Variants in CCDC88C observed in about 807,000 individuals in gnomAD.
CCDC88C encodes the protein protein Daple.
In CCDC88C, 131 loss-of-function variants were observed where a neutral mutation model predicts 198.8. The ratio of observed to expected loss-of-function variants is 0.66; its 90% CI spans 0.57 to 0.76. The LOEUF is 0.76. Among genes scored for constraint, CCDC88C ranks in the 30% least tolerant of loss-of-function variants. CCDC88C has a pLI of 0.00. For missense variants in CCDC88C, 2,553 were observed against 2,631.6 expected (o/e 0.97, Z 0.65); for synonymous variants, 1,166 against 1,114.7 (o/e 1.05, Z -0.92).
chr14:91,309,767 T>C (rs1472875081), intron 16 of CCDC88C, 92 bp downstream of exon 16: 1 of 1,387,200 alleles, frequency 7.2e-7, no homozygotes, highest in African/African-American at 1.4e-5. Flanking sequence ...CAGTAGAGAG[T>C]TCATGGAGGT....
At chr14:91,328,098 C>G (rs1239838680) in intron 10 of CCDC88C, among the ~76,000 whole-genome samples, 1 of 152,148 alleles carries the variant, frequency 6.6e-6, no homozygotes, top group Non-Finnish European at 1.5e-5. Flanking sequence ...ACTACTTGGC[C>G]AAATCATGCC....
chr14:91,398,708 G>T (rs531870659), intron 3 of CCDC88C, among the ~76,000 whole-genome samples: 21 of 152,254 alleles, frequency 1.4e-4, no homozygotes, highest in Non-Finnish European at 2.9e-4. Flanking sequence ...AATACAAGCA[G>T]CAGGAGCCAG....
rs565624495 is a variant in CCDC88C at position 91,286,083 on chromosome 14, C to T, written c.4442-2566G>A. Among the ~76,000 whole-genome samples, 9 of 152,186 alleles carry T rather than the reference C, an allele frequency of 5.9e-5. No individual in the cohort carries two copies. The South Asian group carries it at 8.3e-4, about 14-fold the overall frequency. On this transcript the variant is annotated intron_variant, in intron 25 of 29. Transcript: ENST00000389857. ...GAACGCCAACAATTTATTTCCTCAG[C>T]GTGTGAGGAGAATTACATACTGCCC...
chr14:91,354,212 T>C (rs1203128704), intron 4 of CCDC88C, among the ~76,000 whole-genome samples: 1 of 152,196 alleles, frequency 6.6e-6, no homozygotes, highest in Non-Finnish European at 1.5e-5. Flanking sequence ...GAAAAAACAA[T>C]GCTTTCTTCC....
Position 91,294,248 on chromosome 14 carries a change from C to T in CCDC88C, c.4037G>A (p.Ser1346Asn), listed in dbSNP as rs746596853. ...CTCCAGAAGCATCTGGTTCTGCTGG[C>T]TCAACAGCTGGATCTGGCTCAGGAG... Reference protein sequence around the residue: ...HHLLSQIQLLSQQNQMLLEQN... With the variant: ...HHLLSQIQLLNQQNQMLLEQN... Residue 1346 changes from serine to asparagine, a missense_variant, in exon 23 of 30, where the codon AGC becomes AAC. By Grantham distance (46) the Ser-to-Asn change is conservative (BLOSUM62 1). This residue lies in a region of CCDC88C where 1,293 missense variants were observed against 1,219.6 expected (regional missense o/e 1.06). Coordinates refer to ENST00000389857, the MANE Select transcript of CCDC88C (RefSeq NM_001080414.4). The T allele has an allele frequency of 7.4e-6, 12 of 1,614,036 alleles. No individual in the cohort carries two copies. Among genetic ancestry groups the T allele is most frequent in the Middle Eastern group, 1.6e-4 (1 of 6,062 alleles).
At chr14:91,376,885 G>A (rs774832938) in intron 3 of CCDC88C, among the ~76,000 whole-genome samples, 5 of 152,196 alleles carry the variant, frequency 3.3e-5, no homozygotes, top group South Asian at 2.1e-4. Flanking sequence ...CCACAGCCCC[G>A]GCCACCCAGA....
chr14:91,363,587 T>TA (rs1290944676), intron 3 of CCDC88C, among the ~76,000 whole-genome samples: 2 of 151,920 alleles, frequency 1.3e-5, no homozygotes, highest in East Asian at 3.8e-4. Context: ...GAAAAAATAA[T>TA]AAAAAAAAAT....
chr14:91,321,061 G>C (rs1233345302), intron 13 of CCDC88C, 59 bp downstream of exon 13: 1 of 1,474,256 alleles, frequency 6.8e-7, no homozygotes, highest in African/African-American at 1.4e-5. Context: ...TCACTGGGGA[G>C]GATGGGAGGG....
rs1890530886 is a variant in CCDC88C at position 91,288,803 on chromosome 14, C to T, written c.4441+302G>A. On this transcript the variant is annotated intron_variant, in intron 25 of 29. Transcript: ENST00000389857. The surrounding 1 kb of genome is among the most constrained non-coding windows in gnomAD (Gnocchi z 4.2). The stretch of plus-strand genomic sequence containing the variant: ...CCTATAATCCCAGCTACGTAGGAGG[C>T]TGAGGCAGGAGAATCACTTGAACCT... The T allele has an allele frequency of 1.5e-5, 4 of 261,538 alleles. No individual in the cohort carries two copies. The highest frequency in any genetic ancestry group is 2.9e-5 in the Non-Finnish European group (4 of 137,168). The allele number at this position is 261,538 out of a possible 1,614,324, so 16.2% of individuals were successfully genotyped here. A position where few individuals can be genotyped will look rare whatever the true frequency, so the allele number is the denominator to read the frequency against.
At chr14:91,390,329 G>A (rs959098754) in intron 3 of CCDC88C, among the ~76,000 whole-genome samples, 3 of 152,160 alleles carry the variant, frequency 2.0e-5, no homozygotes, top group Non-Finnish European at 4.4e-5. Context: ...CCCTCCATCC[G>A]CTTAATTTAT....
At chr14:91,351,546 A>G (rs1893796682) in intron 4 of CCDC88C, among the ~76,000 whole-genome samples, 1 of 152,178 alleles carries the variant, frequency 6.6e-6, no homozygotes, top group Non-Finnish European at 1.5e-5. Context: ...GTCCCCACCC[A>G]TGGGGAAGGA....
At chr14:91,356,477 T>C (rs549176583) in intron 4 of CCDC88C, among the ~76,000 whole-genome samples, 1 of 152,320 alleles carries the variant, frequency 6.6e-6, no homozygotes, top group Non-Finnish European at 1.5e-5. Context: ...CCTTCAGAGC[T>C]GGGACCAGCT....
chr14:91,411,588 C>T (rs572255786), intron 2 of CCDC88C, among the ~76,000 whole-genome samples: 1 of 152,096 alleles, frequency 6.6e-6, no homozygotes, highest in East Asian at 1.9e-4. Flanking sequence ...GGTAGCTGGT[C>T]GGAACTTGGA....
intron 2 of CCDC88C, among the ~76,000 whole-genome samples, chr14:91,413,572 G>A (rs1035699350): frequency 3.3e-5 from 5 of 152,194 alleles, no homozygotes; most frequent in Non-Finnish European, 7.4e-5. Context: ...AGGGGCTATT[G>A]AGCAGGCATT....
chr14:91,411,962 C>G (rs556325521), intron 2 of CCDC88C, among the ~76,000 whole-genome samples: 1 of 97,850 alleles, frequency 1.0e-5, no homozygotes, highest in Non-Finnish European at 2.3e-5. Context: ...GACTCCATCT[C>G]AAAAAAAAAA....
At chr14:91,343,527 G>C (rs990311642) in intron 5 of CCDC88C, 72 bp downstream of exon 5, 1 of 1,594,378 alleles carries the variant, frequency 6.3e-7, no homozygotes, top group Non-Finnish European at 8.5e-7. Flanking sequence ...CTAAGGGCTC[G>C]GTCAAGTCCC....
At position 91,402,249 on chromosome 14, in the gene CCDC88C, C is replaced by A. The variant is rs561705658; in HGVS notation, c.270+6410G>T. 5.8e-4 allele frequency among the ~76,000 whole-genome samples: 89 copies of A among 152,206 alleles called. 1 individual carries two copies. The highest frequency in any genetic ancestry group is 2.0e-3 in the African/African-American group (81 of 41,536). ...TATGATCATACCACTGCACTTTGGC[C>A]TGGGAAACCGAGCAAGACTGTCTCA... On this transcript the variant is annotated intron_variant, in intron 3 of 29. Coordinates refer to ENST00000389857, the MANE Select transcript of CCDC88C (RefSeq NM_001080414.4).
At position 91,394,698 on chromosome 14, in the gene CCDC88C, G is replaced by A. The variant is rs908899519; in HGVS notation, c.270+13961C>T. Among the ~76,000 whole-genome samples, 7 of 152,346 alleles carry A rather than the reference G, an allele frequency of 4.6e-5. No individual in the cohort carries two copies. In the East Asian group the frequency reaches 1.3e-3, roughly 29 times the overall value. On this transcript the variant is annotated intron_variant, in intron 3 of 29. Coordinates refer to ENST00000389857, the MANE Select transcript of CCDC88C (RefSeq NM_001080414.4). ...CTGCTTTTAAGGAATTCTATTGCTG[G>A]TGAGGGATAAAATCATGAGGCTTCC... is the stretch of plus-strand genomic sequence containing the variant.
At chr14:91,408,618 T>C (rs1249913230) in intron 3 of CCDC88C, 41 bp downstream of exon 3, 6 of 1,257,826 alleles carry the variant, frequency 4.8e-6, no homozygotes, top group Non-Finnish European at 7.0e-6. Context: ...ACGATACTGA[T>C]GGACACACAT....
Sources: gnomAD v4.1 joint callset for allele counts (sites outside exome capture counted in the v4.1 genomes callset) on GRCh38, gnomAD v4.1.1 for gene constraint, gnomAD v4.1.1 regional missense constraint, Gnocchi (gnomAD v3.1) non-coding constraint, MANE v1.5 for transcripts, NCBI Gene and HGNC (gene_info 2026-07-23, HGNC 2026-07-21) for gene names.